Variants in TTC4 observed in about 807,000 individuals in gnomAD.
TTC4 encodes the protein tetratricopeptide repeat domain 4.
Under a neutral mutation model 51.9 loss-of-function variants are expected in TTC4, and 36 were observed. The ratio of observed to expected loss-of-function variants is 0.69; its 90% CI spans 0.53 to 0.92. The LOEUF (loss-of-function observed/expected upper bound fraction) is 0.92. Among genes scored for constraint, TTC4 ranks in the 40% least tolerant of loss-of-function variants. The pLI, the probability that TTC4 is intolerant of heterozygous loss-of-function variation, is 0.00. For missense variants in TTC4, 399 were observed against 454.6 expected, an observed-to-expected ratio of 0.88 and a Z score of 1.11; for synonymous variants, 144 against 164.2, an observed-to-expected ratio of 0.88 and a Z score of 0.94.
intron 4 of TTC4, among the ~76,000 whole-genome samples, chr1:54,721,451 T>C (rs1313928033): frequency 6.6e-6 from 1 of 152,192 alleles, no homozygotes; most frequent in Non-Finnish European, 1.5e-5. Context: ...TCATTTTAAA[T>C]TAATAAAAAA....
chr1:54,716,718 G>C lies in TTC4; in HGVS notation c.229+1G>C. Reference sequence around the variant, plus strand: ...TTTGATGAGGAGCGTTCTCCAGAAGGTATCTTAACATGACTAATATTTGTT... The same window carrying C: ...TTTGATGAGGAGCGTTCTCCAGAAGCTATCTTAACATGACTAATATTTGTT... On this transcript the variant is annotated splice_donor_variant, in intron 2 of 9. Transcript: ENST00000371281. LOFTEE classifies it high-confidence loss of function. 1 of 1,606,764 alleles carries C rather than the reference G, an allele frequency of 6.2e-7. No individual in the cohort carries two copies. Among genetic ancestry groups the C allele is most frequent in the Non-Finnish European group, 8.5e-7 (1 of 1,176,088 alleles).
intron 5 of TTC4, among the ~76,000 whole-genome samples, chr1:54,725,771 A>G (rs189793922): frequency 1.8e-4 from 28 of 152,348 alleles, no homozygotes; most frequent in Non-Finnish European, 4.4e-5. Context: ...AATATCAACA[A>G]AGAGAAGTTA....
intron 3 of TTC4, among the ~76,000 whole-genome samples, chr1:54,718,576 T>C (rs1007399874): frequency 2.0e-5 from 3 of 152,102 alleles, no homozygotes; most frequent in Non-Finnish European, 2.9e-5. Flanking sequence ...ATGCTGCTTC[T>C]TAGAGATTTA....
At chr1:54,737,908 CTTTT>C (rs368498132) in intron 9 of TTC4, among the ~76,000 whole-genome samples, 1 of 151,184 alleles carries the variant, frequency 6.6e-6, no homozygotes. Context: ...GGAAAACTCC[CTTTT>C]TTTTTGAGAT....
chr1:54,716,556 A>G (rs3820104), intron 1 of TTC4, 44 bp from the exon 2 acceptor site: 21,674 of 1,483,332 alleles, frequency 0.015, 1,079 homozygotes, highest in East Asian at 0.14. Context: ...GGATCTGCTC[A>G]GTAGAAAAGC....
chr1:54,734,103 G>A (rs1233113233), intron 8 of TTC4, among the ~76,000 whole-genome samples: 2 of 151,930 alleles, frequency 1.3e-5, no homozygotes, highest in Non-Finnish European at 2.9e-5. Context: ...ACGGAGTCTC[G>A]CTGTTTCACC....
chr1:54,736,351 G>A (rs1168999062), intron 8 of TTC4, among the ~76,000 whole-genome samples: 1 of 151,920 alleles, frequency 6.6e-6, no homozygotes, highest in African/African-American at 2.4e-5. Context: ...TTGTAACAAT[G>A]ACTTTCTTCT....
In TTC4 at chr1:54,741,555, C is replaced by T; in HGVS notation, c.*42C>T. 1 of 1,516,732 alleles carries T rather than the reference C, an allele frequency of 6.6e-7. No individual in the cohort carries two copies. The highest frequency in any genetic ancestry group is 9.2e-7 in the Non-Finnish European group (1 of 1,092,246). The allele number at this position is 1,516,732 out of a possible 1,614,324, so 94.0% of individuals were successfully genotyped here. On this transcript the variant is annotated 3_prime_UTR_variant, in exon 10 of 10. Transcript: ENST00000371281. Reference sequence around the variant, plus strand: ...GGATCTCCTCCCTTACCCTCCTCTGCTGGGAACCTAGCACACCTGAATCAG... The same window carrying T: ...GGATCTCCTCCCTTACCCTCCTCTGTTGGGAACCTAGCACACCTGAATCAG...
At chr1:54,728,245 T>G in intron 5 of TTC4, 101 bp from the exon 6 acceptor site, 2 of 1,021,350 alleles carry the variant, frequency 2.0e-6, no homozygotes, top group South Asian at 3.2e-5. Flanking sequence ...CACAGGAGCT[T>G]GGGTTGGATA....
At chr1:54,733,746 A>ATTTT in intron 8 of TTC4, 36 bp downstream of exon 8, 1 of 1,078,854 alleles carries the variant, frequency 9.3e-7, no homozygotes, top group Non-Finnish European at 1.3e-6. Context: ...CTATGGAATT[A>ATTTT]ATTTTTTTTT....
At chr1:54,732,799 A>T (rs958350106) in intron 7 of TTC4, among the ~76,000 whole-genome samples, 2 of 150,242 alleles carry the variant, frequency 1.3e-5, no homozygotes, top group Admixed American at 6.7e-5. Flanking sequence ...AAAGAAAATT[A>T]TGTCAGCTGG....
At chr1:54,718,962 A>ATT (rs1018183182) in intron 3 of TTC4, among the ~76,000 whole-genome samples, 3 of 151,432 alleles carry the variant, frequency 2.0e-5, no homozygotes, top group African/African-American at 4.9e-5. Flanking sequence ...ATGCTTTGAT[A>ATT]TTTTTCTTTT....
Position 54,742,380 on chromosome 1 carries a change from T to C in TTC4, c.*867T>C, listed in dbSNP as rs1375284739. On this transcript the variant is annotated 3_prime_UTR_variant, in exon 10 of 10. Transcript: ENST00000371281. ...GGAGAGTGTACTTCCCTGCTCCCAATGCAGAGGGATATGCACAGGCATGAG... is the reference window on the plus strand; with the variant it reads ...GGAGAGTGTACTTCCCTGCTCCCAACGCAGAGGGATATGCACAGGCATGAG... 1 of 152,374 alleles carries C rather than the reference T, an allele frequency of 6.6e-6. No individual in the cohort carries two copies. Among genetic ancestry groups the C allele is most frequent in the Non-Finnish European group, 1.5e-5 (1 of 68,178 alleles). The allele number at this position is 152,374 out of a possible 1,614,324, so 9.4% of individuals were successfully genotyped here. A position where few individuals can be genotyped will look rare whatever the true frequency, so the allele number is the denominator to read the frequency against.
chr1:54,737,517 C>T, intron 8 of TTC4, 65 bp from the exon 9 acceptor site: 1 of 1,483,478 alleles, frequency 6.7e-7, no homozygotes, highest in Non-Finnish European at 9.3e-7. Flanking sequence ...TTTCCCTGGG[C>T]TTAGCCTCAA....
chr1:54,717,392 T>G (rs1274817797), intron 2 of TTC4, 100 bp from the exon 3 acceptor site: 4 of 1,097,476 alleles, frequency 3.6e-6, no homozygotes, highest in African/African-American at 1.6e-5. Flanking sequence ...TTTCTTCGCT[T>G]TGGTGTGTCA....
At position 54,717,479 on chromosome 1, in the gene TTC4, C is replaced by T. The variant is rs1645690120; in HGVS notation, c.230-13C>T. The T allele has an allele frequency of 2.0e-6, 3 of 1,499,794 alleles. No homozygotes were observed. The highest frequency in any genetic ancestry group is 4.8e-5 in the Admixed American group (2 of 41,594). The allele number at this position is 1,499,794 out of a possible 1,614,324, so 92.9% of individuals were successfully genotyped here. A position where few individuals can be genotyped will look rare whatever the true frequency, so the allele number is the denominator to read the frequency against. ...AAGTAAGCAATAGTGATTATTTTTC[C>T]TCTTCTTTGCAGAACAGGCCAAGAC... is the stretch of plus-strand genomic sequence containing the variant. On this transcript the variant is annotated splice_polypyrimidine_tract_variant and intron_variant, in intron 2 of 9. Transcript: ENST00000371281.
chr1:54,719,199 G>A (rs1645713438), intron 3 of TTC4, among the ~76,000 whole-genome samples: 1 of 147,632 alleles, frequency 6.8e-6, no homozygotes, highest in Non-Finnish European at 1.5e-5. Flanking sequence ...TGCAGCAGAG[G>A]GGTAAGGAAT....
intron 3 of TTC4, chr1:54,717,881 A>G (rs1256221675): frequency 5.4e-6 from 2 of 370,494 alleles, no homozygotes; most frequent in Admixed American, 9.3e-5. Context: ...TTGGTCACTC[A>G]AGTAAGGTGT....
rs1360643853 is a variant in TTC4, at chr1:54,742,250, T to C, written c.*737T>C. 1.3e-5 allele frequency: 2 copies of C among 152,184 alleles called. No individual in the cohort carries two copies. Among genetic ancestry groups the C allele is most frequent in the African/African-American group, 4.8e-5 (2 of 41,436 alleles). The allele number at this position is 152,184 out of a possible 1,614,324, so 9.4% of individuals were successfully genotyped here. On this transcript the variant is annotated 3_prime_UTR_variant, in exon 10 of 10. Transcript: ENST00000371281. ...TCTAGCATGTTGGGTTGTTACAGAG[T>C]ATATTTTTGTCTGCAGCTGTTTGTT...
Sources: allele counts gnomAD v4.1 joint callset (sites outside exome capture counted in the v4.1 genomes callset), GRCh38; gene constraint gnomAD v4.1.1; transcripts MANE v1.5; gene names NCBI Gene and HGNC (gene_info 2026-07-23, HGNC 2026-07-21).